Variants in CDH13 observed in about 807,000 individuals in gnomAD.
CDH13 encodes the protein cadherin 13.
In CDH13, 24 loss-of-function variants were observed where a neutral mutation model predicts 63.8. That is an observed-to-expected ratio of 0.38 (90% CI 0.27 to 0.53). The LOEUF (loss-of-function observed/expected upper bound fraction) is 0.53. Ranked by LOEUF, CDH13 falls within the 20% of genes least tolerant of loss-of-function variation. CDH13 has a pLI of 0.85. For synonymous variants in CDH13, 503 were observed against 355.3 expected (o/e 1.42, Z -4.67); for missense variants, 1,049 against 903.1 (o/e 1.16, Z -2.07).
At chr16:83,427,632 C>T (rs1430891176) in intron 6 of CDH13, among the ~76,000 whole-genome samples, 2 of 152,168 alleles carry the variant, frequency 1.3e-5, no homozygotes, top group Non-Finnish European at 2.9e-5. Context: ...ACCAGCACCA[C>T]TAGATAACAC....
At chr16:83,645,250 A>T (rs558653151) in intron 8 of CDH13, among the ~76,000 whole-genome samples, 1 of 152,362 alleles carries the variant, frequency 6.6e-6, no homozygotes, top group South Asian at 2.1e-4. Flanking sequence ...TTGCAGCAAC[A>T]TGGGTGGAGC....
At chr16:82,676,036 A>C (rs1316118197) in intron 1 of CDH13, among the ~76,000 whole-genome samples, 1 of 152,190 alleles carries the variant, frequency 6.6e-6, no homozygotes, top group Non-Finnish European at 1.5e-5. Flanking sequence ...AAGGAGGGAG[A>C]AAAGATTGAT....
At chr16:83,097,583 C>G (rs1373170644) in intron 3 of CDH13, among the ~76,000 whole-genome samples, 3 of 152,198 alleles carry the variant, frequency 2.0e-5, no homozygotes, top group Non-Finnish European at 4.4e-5. Context: ...GTGACAACTC[C>G]TTCCTTCCTA....
intron 7 of CDH13, among the ~76,000 whole-genome samples, chr16:83,499,889 A>G (rs1298268028): frequency 6.6e-6 from 1 of 151,604 alleles, no homozygotes; most frequent in Non-Finnish European, 1.5e-5. Flanking sequence ...TGCAATCTCC[A>G]CCTCCCGGGT....
At chr16:83,156,627 C>A (rs1020839221) in intron 4 of CDH13, among the ~76,000 whole-genome samples, 6 of 152,100 alleles carry the variant, frequency 3.9e-5, no homozygotes, top group Non-Finnish European at 4.4e-5. Flanking sequence ...GCTAACAAGC[C>A]CCTAATAGGA....
At chr16:83,157,398 G>C (rs2037251041) in intron 4 of CDH13, among the ~76,000 whole-genome samples, 2 of 152,196 alleles carry the variant, frequency 1.3e-5, no homozygotes, top group East Asian at 1.9e-4. Context: ...TTCTCATCTT[G>C]GTCAATTGGA....
At chr16:83,753,496 A>G (rs1913261133) in intron 11 of CDH13, among the ~76,000 whole-genome samples, 1 of 152,220 alleles carries the variant, frequency 6.6e-6, no homozygotes, top group African/African-American at 2.4e-5. Context: ...CAGTGAGCCA[A>G]GATCACACCG....
chr16:82,888,020 C>A (rs375190374), intron 2 of CDH13, among the ~76,000 whole-genome samples: 3 of 151,930 alleles, frequency 2.0e-5, no homozygotes, highest in Admixed American at 2.0e-4. Flanking sequence ...CGGTTTTGGC[C>A]AAAGGGCTGT....
Position 83,703,346 on chromosome 16 carries a change from G to A in CDH13, c.1538+24885G>A, listed in dbSNP as rs191371212. Reference sequence around the variant, plus strand: ...TTTATGTGCGGAGTTGTACACTGAAGCCTTATTTATGGTAGCAAAAAGTTA... The same window carrying A: ...TTTATGTGCGGAGTTGTACACTGAAACCTTATTTATGGTAGCAAAAAGTTA... On this transcript the variant is annotated intron_variant, in intron 10 of 13. Coordinates refer to ENST00000567109, the MANE Select transcript of CDH13 (RefSeq NM_001257.5). Among the ~76,000 whole-genome samples, 535 of 152,286 alleles carry A rather than the reference G, an allele frequency of 3.5e-3. 12 individuals carry two copies. The highest frequency in any genetic ancestry group is 0.027 in the Admixed American group (417 of 15,294).
At position 83,780,191 on chromosome 16, in the gene CDH13, C is replaced by G; in HGVS notation, c.1905C>G (p.Ser635=). The G allele has an allele frequency of 6.3e-7, 1 of 1,589,674 alleles. No homozygotes were observed. Among genetic ancestry groups the G allele is most frequent in the Non-Finnish European group, 8.6e-7 (1 of 1,164,358 alleles). ...QAVPDKVWKI[S]KINNTHALVS... ...TTCCTGATAAAGTCTGGAAGATCTCCAAGATCAACAGTAAGTCTGGCTAAA... is the reference window on the plus strand; with the variant it reads ...TTCCTGATAAAGTCTGGAAGATCTCGAAGATCAACAGTAAGTCTGGCTAAA... The change falls in exon 12 of 14, where the codon TCC becomes TCG. Residue 635 remains serine (S), a synonymous_variant. Transcript: ENST00000567109.
intron 1 of CDH13, among the ~76,000 whole-genome samples, chr16:82,678,919 G>C (rs994694219): frequency 2.0e-5 from 3 of 152,186 alleles, no homozygotes; most frequent in Non-Finnish European, 4.4e-5. Flanking sequence ...AATTGGGACT[G>C]TGTGGTTCCA....
Position 83,476,754 on chromosome 16 carries a change from A to C in CDH13, c.782-9723A>C, listed in dbSNP as rs1465269476. Among the ~76,000 whole-genome samples the C allele has an allele frequency of 2.6e-5, 4 of 152,220 alleles. No individual in the cohort carries two copies. The East Asian group carries it at 7.7e-4, about 29-fold the overall frequency. On this transcript the variant is annotated intron_variant, in intron 6 of 13. Coordinates refer to ENST00000567109, the MANE Select transcript of CDH13 (RefSeq NM_001257.5). The stretch of plus-strand genomic sequence containing the variant: ...TTTGTTGTTTTTAAGAGTTTATGGA[A>C]AAATATATTGGAGAGTTACAATTAC...
At chr16:83,482,704 C>T (rs1344039840) in intron 6 of CDH13, among the ~76,000 whole-genome samples, 3 of 152,084 alleles carry the variant, frequency 2.0e-5, no homozygotes, top group Admixed American at 6.5e-5. Flanking sequence ...TCTTAGAGGC[C>T]GACTAGAGGA....
chr16:83,319,315 C>A lies in CDH13; in HGVS notation c.637-25547C>A, dbSNP rs77968003. On this transcript the variant is annotated intron_variant, in intron 5 of 13. Coordinates refer to ENST00000567109, the MANE Select transcript of CDH13 (RefSeq NM_001257.5). Reference sequence around the variant, plus strand: ...TTCTCTTTGGCATTCCTTCCGAAGGCGTTTATTCCTCGGTGTTTCTCTGCC... The same window carrying A: ...TTCTCTTTGGCATTCCTTCCGAAGGAGTTTATTCCTCGGTGTTTCTCTGCC... Among the ~76,000 whole-genome samples, 1,233 of 152,242 alleles carry A rather than the reference C, an allele frequency of 8.1e-3. 7 individuals carry two copies. The highest frequency in any genetic ancestry group is 0.011 in the Non-Finnish European group (733 of 68,020).
At chr16:82,917,803 T>C (rs932422592) in intron 2 of CDH13, among the ~76,000 whole-genome samples, 2 of 150,790 alleles carry the variant, frequency 1.3e-5, no homozygotes, top group South Asian at 2.1e-4. Context: ...TTATCTCAGA[T>C]ACTTGGGAGG....
intron 1 of CDH13, among the ~76,000 whole-genome samples, chr16:82,804,778 C>G (rs1343101012): frequency 6.6e-6 from 1 of 152,146 alleles, no homozygotes; most frequent in Non-Finnish European, 1.5e-5. Context: ...ACTATGAATT[C>G]ATGACCCATT....
chr16:83,705,477 C>G (rs1906889332), intron 10 of CDH13, among the ~76,000 whole-genome samples: 1 of 152,006 alleles, frequency 6.6e-6, no homozygotes, highest in Non-Finnish European at 1.5e-5. Flanking sequence ...AAAAAATTAG[C>G]CGGGCATGAT....
At chr16:83,055,757 A>G (rs889008899) in intron 3 of CDH13, among the ~76,000 whole-genome samples, 1 of 152,138 alleles carries the variant, frequency 6.6e-6, no homozygotes, top group East Asian at 1.9e-4. Context: ...CTGAAGGCCA[A>G]CATAATCTTC....
chr16:83,380,925 C>G (rs2091555449), intron 6 of CDH13, among the ~76,000 whole-genome samples: 2 of 151,850 alleles, frequency 1.3e-5, no homozygotes, highest in South Asian at 2.1e-4. Context: ...CTCATCCTCA[C>G]TGCCCTCCCT....
Sources: allele counts gnomAD v4.1 joint callset (sites outside exome capture counted in the v4.1 genomes callset), GRCh38; gene constraint gnomAD v4.1.1; transcripts MANE v1.5; gene names NCBI Gene and HGNC (gene_info 2026-07-23, HGNC 2026-07-21).